Variants in BTBD16 observed in about 807,000 individuals in gnomAD.
BTBD16 encodes the protein BTB domain containing 16.
In BTBD16, 66 loss-of-function variants were observed where a neutral mutation model predicts 67.4. That is an observed-to-expected ratio of 0.98 (90% confidence interval 0.80 to 1.20). The LOEUF (loss-of-function observed/expected upper bound fraction) is 1.20. Ranked by LOEUF, BTBD16 falls within the 50% of genes most tolerant of loss-of-function variation. BTBD16 has a pLI of 0.00. For synonymous variants in BTBD16, 242 were observed against 236.4 expected, an observed-to-expected ratio of 1.02 and a Z score of -0.22; for missense variants, 634 against 616.0, an observed-to-expected ratio of 1.03 and a Z score of -0.31.
At chr10:122,306,078 G>T (rs1305123834) in intron 9 of BTBD16, among the ~76,000 whole-genome samples, 2 of 152,186 alleles carry the variant, frequency 1.3e-5, no homozygotes, top group East Asian at 3.8e-4. Flanking sequence ...AGATGACCTG[G>T]GTGGGCCCAT....
intron 2 of BTBD16, among the ~76,000 whole-genome samples, chr10:122,275,955 C>T (rs2096339689): frequency 6.6e-6 from 1 of 152,094 alleles, no homozygotes; most frequent in Admixed American, 6.5e-5. Flanking sequence ...ATAAAAAACC[C>T]AAGTGTCCAT....
intron 3 of BTBD16, among the ~76,000 whole-genome samples, chr10:122,282,087 A>AC (rs1371440533): frequency 6.6e-6 from 1 of 152,082 alleles, no homozygotes; most frequent in Non-Finnish European, 1.5e-5. Flanking sequence ...CAGCCCTCAC[A>AC]CCCAGGAGAA....
chr10:122,280,740 C>A (rs1054847228), intron 3 of BTBD16, among the ~76,000 whole-genome samples: 3 of 152,100 alleles, frequency 2.0e-5, no homozygotes, highest in Non-Finnish European at 2.9e-5. Flanking sequence ...CTGGAACAGG[C>A]ATTGCAATGC....
chr10:122,324,936 G>A (rs2096441753), intron 10 of BTBD16, among the ~76,000 whole-genome samples: 1 of 152,228 alleles, frequency 6.6e-6, no homozygotes, highest in African/African-American at 2.4e-5. Context: ...TTCTTAAAAA[G>A]GGCAGCTGTG....
In BTBD16 at chr10:122,276,896, G is replaced by T; in HGVS notation, c.124G>T (p.Ala42Ser). Residue 42 changes from alanine to serine, a missense_variant, in exon 3 of 16, where the codon GCT becomes TCT. Ala to Ser is a moderately conservative substitution (Grantham distance 99). Transcript: ENST00000260723. ...GCTCTCACTTTCCCAGATGTGCAAG[G>T]CTCTGAGCATAGACTTTGAGGAAGC... ...DLLSLSQMCKALSIDFEEALR... is the reference protein window; with the variant it reads ...DLLSLSQMCKSLSIDFEEALR... 6.2e-7 allele frequency: 1 copy of T among 1,614,216 alleles called. No homozygotes were observed. Among genetic ancestry groups the T allele is most frequent in the Non-Finnish European group, 8.5e-7 (1 of 1,180,036 alleles).
intron 5 of BTBD16, 26 bp downstream of exon 5, chr10:122,286,274 T>C (rs779546754): frequency 6.3e-7 from 1 of 1,587,936 alleles, no homozygotes; most frequent in Non-Finnish European, 8.6e-7. Flanking sequence ...CACCCAGTGC[T>C]GGAGCCCCAG....
intron 10 of BTBD16, among the ~76,000 whole-genome samples, chr10:122,328,357 CA>C (rs1413256800): frequency 3.9e-5 from 6 of 152,196 alleles, no homozygotes; most frequent in Non-Finnish European, 7.3e-5. Flanking sequence ...GAGACAGGCA[CA>C]GGGTAGATAC....
intron 15 of BTBD16, 109 bp downstream of exon 15, chr10:122,336,791 T>G (rs3817285): frequency 1.1e-6 from 1 of 930,906 alleles, no homozygotes; most frequent in African/African-American, 1.7e-5. Context: ...TGAAGATCCC[T>G]GGAAAATCTG....
chr10:122,295,391 G>C, intron 7 of BTBD16: 1 of 985,448 alleles, frequency 1.0e-6, no homozygotes, highest in Non-Finnish European at 1.2e-6. Flanking sequence ...AATGGCCAGA[G>C]GTTTGGATGA....
At chr10:122,297,728 G>T (rs1220776727) in intron 7 of BTBD16, 40 bp from the exon 8 acceptor site, 1 of 1,610,200 alleles carries the variant, frequency 6.2e-7, no homozygotes, top group African/African-American at 1.3e-5. Context: ...TCCAAAAGCA[G>T]TGTGGGGTTC....
chr10:122,335,413 G>C (rs1017855544), intron 14 of BTBD16, among the ~76,000 whole-genome samples: 1 of 152,252 alleles, frequency 6.6e-6, no homozygotes, highest in African/African-American at 2.4e-5. Flanking sequence ...GAAAAGTCAG[G>C]AGGGTGCTTG....
intron 9 of BTBD16, 99 bp downstream of exon 9, chr10:122,299,233 A>G: frequency 7.2e-7 from 1 of 1,390,242 alleles, no homozygotes; most frequent in Non-Finnish European, 9.7e-7. Flanking sequence ...CTGCACCCCC[A>G]CCTTAAGCTT....
chr10:122,299,164 TGA>T, intron 9 of BTBD16, 30 bp downstream of exon 9: 2 of 1,609,484 alleles, frequency 1.2e-6, no homozygotes, highest in Non-Finnish European at 1.7e-6. Flanking sequence ...GTGCGGCCCC[TGA>T]GAGGGGGATG....
chr10:122,322,892 C>A (rs371897046), intron 10 of BTBD16, among the ~76,000 whole-genome samples: 18 of 152,284 alleles, frequency 1.2e-4, no homozygotes, highest in Admixed American at 7.8e-4. Flanking sequence ...GCATGCCCAT[C>A]TCTGTAAGCT....
chr10:122,328,713 C>T (rs1333868324), intron 10 of BTBD16: 2 of 971,600 alleles, frequency 2.1e-6, no homozygotes, highest in African/African-American at 3.5e-5. Context: ...AGATTGTTCC[C>T]CATTGTCCCC....
At chr10:122,278,300 C>T (rs998775189) in intron 3 of BTBD16, among the ~76,000 whole-genome samples, 4 of 152,120 alleles carry the variant, frequency 2.6e-5, no homozygotes, top group Admixed American at 1.3e-4. Flanking sequence ...TAAAAGCAGT[C>T]TATCAATGGG....
At chr10:122,297,088 T>A (rs1458420216) in intron 7 of BTBD16, among the ~76,000 whole-genome samples, 1 of 152,260 alleles carries the variant, frequency 6.6e-6, no homozygotes, top group East Asian at 1.9e-4. Context: ...GAAGTCTCCA[T>A]CATCTGCCTT....
At chr10:122,278,391 T>C (rs2096345341) in intron 3 of BTBD16, among the ~76,000 whole-genome samples, 1 of 152,222 alleles carries the variant, frequency 6.6e-6, no homozygotes, top group Non-Finnish European at 1.5e-5. Context: ...AGTTTCCTCA[T>C]CTTTCAAATG....
At chr10:122,287,751 C>T (rs2096366601) in intron 5 of BTBD16, among the ~76,000 whole-genome samples, 1 of 152,190 alleles carries the variant, frequency 6.6e-6, no homozygotes, top group Admixed American at 6.5e-5. Flanking sequence ...CTGGACTCTG[C>T]AGAGATGCAC....
Sources: gnomAD v4.1 joint callset for allele counts (sites outside exome capture counted in the v4.1 genomes callset) on GRCh38, gnomAD v4.1.1 for gene constraint, MANE v1.5 for transcripts, NCBI Gene and HGNC (gene_info 2026-07-23, HGNC 2026-07-21) for gene names.